NCOR2: variants seen among roughly 807,000 people sequenced by gnomAD.
NCOR2 encodes CTG repeat protein 26.
NCOR2 carries 81 observed loss-of-function variants against 262.9 expected under a neutral mutation model. That is an observed-to-expected ratio of 0.31 (90% CI 0.26 to 0.37). NCOR2 has a LOEUF of 0.37. Among genes scored for constraint, NCOR2 ranks in the 10% least tolerant of loss-of-function variants. The pLI is 1.00. For synonymous variants in NCOR2, 1,659 were observed against 1,559.3 expected (o/e 1.06, Z -1.51); for missense variants, 3,385 against 3,621.4 (o/e 0.93, Z 1.68).
chr12:124,358,914 G>A (rs1050812126), intron 22 of NCOR2, among the ~76,000 whole-genome samples: 6 of 152,232 alleles, frequency 3.9e-5, no homozygotes, highest in South Asian at 2.1e-4. Flanking sequence ...AATGGAAGCC[G>A]AGAGGTTAAG....
At chr12:124,462,449 G>A (rs1378595690) in intron 5 of NCOR2, among the ~76,000 whole-genome samples, 5 of 152,250 alleles carry the variant, frequency 3.3e-5, no homozygotes, top group Non-Finnish European at 5.9e-5. Context: ...TCTGCAAACA[G>A]AGCCCCATGC....
intron 16 of NCOR2, among the ~76,000 whole-genome samples, chr12:124,387,857 G>A (rs1237456317): frequency 1.3e-5 from 2 of 152,154 alleles, no homozygotes; most frequent in Non-Finnish European, 2.9e-5. Flanking sequence ...CCGGGTGGGA[G>A]AGGGCGAGAG....
intron 1 of NCOR2, among the ~76,000 whole-genome samples, chr12:124,564,946 G>A (rs1398895851): frequency 6.9e-5 from 8 of 116,648 alleles, no homozygotes. Context: ...CAATCAAGCC[G>A]TCCCCAGCCC....
chr12:124,452,357 G>A (rs1025354097), intron 6 of NCOR2, among the ~76,000 whole-genome samples: 8 of 152,184 alleles, frequency 5.3e-5, no homozygotes, highest in Non-Finnish European at 1.2e-4. Flanking sequence ...AGGTGCAAGC[G>A]GACATCACTT....
At chr12:124,402,417 C>T (rs760425318) in exon 14 of NCOR2, 2 of 1,614,166 alleles carry the variant, frequency 1.2e-6, no homozygotes, top group Non-Finnish European at 1.7e-6. Flanking sequence ...AGGAGGTCTT[C>T]CTTGTCGTTC....
At chr12:124,522,163 A>G (rs936569395) in intron 1 of NCOR2, among the ~76,000 whole-genome samples, 1 of 152,236 alleles carries the variant, frequency 6.6e-6, no homozygotes, top group African/African-American at 2.4e-5. Context: ...TTCGAGAAGC[A>G]TCTGCTGAGC....
chr12:124,408,032 T>C (rs908330138), intron 13 of NCOR2, among the ~76,000 whole-genome samples: 2 of 152,172 alleles, frequency 1.3e-5, no homozygotes, highest in Non-Finnish European at 2.9e-5. Flanking sequence ...GCCATCTCAG[T>C]GCGTTTAAGG....
Position 124,483,500 on chromosome 12 carries a change from C to G in NCOR2, c.411+96G>C. The G allele has an allele frequency of 7.5e-7, 1 of 1,325,750 alleles. No individual in the cohort carries two copies. The highest frequency in any genetic ancestry group is 1.6e-5 in the South Asian group (1 of 62,660). 82.1% of individuals were successfully genotyped at this position (1,325,750 alleles called of 1,614,324 possible). A position where few individuals can be genotyped will look rare whatever the true frequency, so the allele number is the denominator to read the frequency against. ...CCTCCAAGCCTTTGCCCGAGCTGCC[C>G]CCTCCCTGCACCCCTACCCACCACC... On this transcript the variant is annotated intron_variant, in intron 3 of 46. Transcript: ENST00000405201. The surrounding 1 kb of genome is among the most constrained non-coding windows in gnomAD (Gnocchi z 6.3).
At chr12:124,493,688 C>T (rs1377946832) in intron 1 of NCOR2, among the ~76,000 whole-genome samples, 1 of 152,164 alleles carries the variant, frequency 6.6e-6, no homozygotes, top group Non-Finnish European at 1.5e-5. Flanking sequence ...TTAACAAGAG[C>T]TCTTCTTTTT....
intron 1 of NCOR2, among the ~76,000 whole-genome samples, chr12:124,510,584 C>T (rs1363645983): frequency 1.3e-5 from 2 of 152,248 alleles, no homozygotes; most frequent in African/African-American, 2.4e-5. Flanking sequence ...CAAACCCAGG[C>T]GAGCCACCTC....
chr12:124,525,326 G>C (rs920993220), intron 1 of NCOR2, among the ~76,000 whole-genome samples: 3 of 152,176 alleles, frequency 2.0e-5, no homozygotes, highest in African/African-American at 7.2e-5. Context: ...AGCTACCCTG[G>C]AATTCTTACC....
chr12:124,325,387 C>CG, exon 47 of NCOR2: 1 of 655,994 alleles, frequency 1.5e-6, no homozygotes, highest in Non-Finnish European at 2.1e-6. Context: ...GCCCCCCCCC[C>CG]CGCCCTGTTC....
chr12:124,330,740 C>A (rs1488747099), intron 44 of NCOR2, 105 bp downstream of exon 46: 2 of 1,292,856 alleles, frequency 1.5e-6, no homozygotes, highest in Non-Finnish European at 1.1e-6. Flanking sequence ...AGGGGGTACA[C>A]CCAGACTAGC....
At chr12:124,424,780 G>A (rs1033279932) in intron 11 of NCOR2, among the ~76,000 whole-genome samples, 3 of 152,172 alleles carry the variant, frequency 2.0e-5, no homozygotes, top group African/African-American at 4.8e-5. Context: ...GCTCTTGTCC[G>A]GAGGCAGGGT....
Position 124,378,453 on chromosome 12 carries a change from G to T in NCOR2, c.2020-69C>A. 6.8e-7 allele frequency: 1 copy of T among 1,481,114 alleles called. No individual in the cohort carries two copies. The highest frequency in any genetic ancestry group is 1.3e-5 in the South Asian group (1 of 76,334). The allele number at this position is 1,481,114 out of a possible 1,614,324, so 91.7% of individuals were successfully genotyped here. A position where few individuals can be genotyped will look rare whatever the true frequency, so the allele number is the denominator to read the frequency against. ...GTCAGCTCGGGGACTCCCCATGCCTGGGGCCTCGCCGCAGGTGCAAAGGGC... is the reference window on the plus strand; with the variant it reads ...GTCAGCTCGGGGACTCCCCATGCCTTGGGCCTCGCCGCAGGTGCAAAGGGC... On this transcript the variant is annotated intron_variant, in intron 17 of 46. Coordinates refer to ENST00000405201, the Ensembl canonical transcript of NCOR2. The surrounding 1 kb of genome is among the most constrained non-coding windows in gnomAD (Gnocchi z 4.2).
chr12:124,346,834 G>A (rs773783423), exon 31 of NCOR2: 4 of 1,578,364 alleles, frequency 2.5e-6, no homozygotes, highest in African/African-American at 2.7e-5. Context: ...GTGCCTCCAC[G>A]TAGGACCGAG....
chr12:124,395,863 G>A (rs1038815924), intron 16 of NCOR2, among the ~76,000 whole-genome samples: 4 of 152,152 alleles, frequency 2.6e-5, no homozygotes, highest in Non-Finnish European at 4.4e-5. Context: ...GAGATCCCAG[G>A]GACTCACCTG....
chr12:124,334,643 G>A, intron 40 of NCOR2, 26 bp from the exon 43 acceptor site: 2 of 1,315,784 alleles, frequency 1.5e-6, no homozygotes, highest in Non-Finnish European at 2.0e-6. Flanking sequence ...GGGGCCCAGA[G>A]TCAGGCAGCA....
chr12:124,459,531 C>T (rs2046053601), intron 5 of NCOR2, among the ~76,000 whole-genome samples: 1 of 152,232 alleles, frequency 6.6e-6, no homozygotes, highest in East Asian at 1.9e-4. Flanking sequence ...GTCGGCTGTG[C>T]TCTAACCCTC....
Sources: gnomAD v4.1 joint callset for allele counts (sites outside exome capture counted in the v4.1 genomes callset) on GRCh38, gnomAD v4.1.1 for gene constraint, Gnocchi (gnomAD v3.1) non-coding constraint, MANE v1.5 for transcripts, NCBI Gene and HGNC (gene_info 2026-07-23, HGNC 2026-07-21) for gene names.